The following HMX1 variants were observed in gnomAD, a reference collection of about 807,000 sequenced individuals.
HMX1 encodes the protein H6 family homeobox 1.
Under a neutral mutation model 8.9 loss-of-function variants are expected in HMX1, and 8 were observed. The ratio of observed to expected loss-of-function variants is 0.90; its 90% CI spans 0.53 to 1.63. HMX1 has a LOEUF of 1.63. Ranked by LOEUF, HMX1 falls within the 40% of genes most tolerant of loss-of-function variation. The pLI, the probability that HMX1 is intolerant of heterozygous loss-of-function variation, is 0.00. For synonymous variants in HMX1, 311 were observed against 283.4 expected, an observed-to-expected ratio of 1.10 and a Z score of -0.98; for missense variants, 621 against 558.5, an observed-to-expected ratio of 1.11 and a Z score of -1.13.
At chr4:8,859,747 A>G (rs1447916345) in intron 1 of HMX1, among the ~76,000 whole-genome samples, 3 of 152,186 alleles carry the variant, frequency 2.0e-5, no homozygotes, top group Admixed American at 6.5e-5. Flanking sequence ...CCGAATGAGG[A>G]CATCCCCCCG....
At chr4:8,862,835 A>G (rs1721872896), downstream of HMX1, among the ~76,000 whole-genome samples, 1 of 152,134 alleles carries the variant, frequency 6.6e-6, no homozygotes, top group South Asian at 2.1e-4. Flanking sequence ...TGGCTCTTCG[A>G]CCACTTAGCT....
In HMX1 at chr4:8,867,799, G is replaced by C. The variant is rs940379768; in HGVS notation, c.941C>G (p.Pro314Arg). 3.2e-5 allele frequency: 39 copies of C among 1,232,446 alleles called. No homozygotes were observed. Among genetic ancestry groups the C allele is most frequent in the Non-Finnish European group, 2.1e-5 (21 of 990,804 alleles). The allele number at this position is 1,232,446 out of a possible 1,614,324, so 76.3% of individuals were successfully genotyped here. A position where few individuals can be genotyped will look rare whatever the true frequency, so the allele number is the denominator to read the frequency against. ...FPLAPAAPAP[P>R]PPLLGFSGAL... ...CCCGGAGAAGCCGAGCAGCGGTGGG[G>C]GCGGCGCGGGCGCGGCGGGCGCCAG... Residue 314 changes from proline (P) to arginine (R), a missense_variant, in exon 2 of 2, where the codon CCC becomes CGC. Coordinates refer to ENST00000400677, the MANE Select transcript of HMX1 (RefSeq NM_018942.3).
At position 8,867,170 on chromosome 4, in the gene HMX1, G is replaced by A; in HGVS notation, c.*523C>T. 1 of 985,438 alleles carries A rather than the reference G, an allele frequency of 1.0e-6. No individual in the cohort carries two copies. Among genetic ancestry groups the A allele is most frequent in the Non-Finnish European group, 1.2e-6 (1 of 829,890 alleles). The allele number at this position is 985,438 out of a possible 1,614,324, so 61.0% of individuals were successfully genotyped here. A position where few individuals can be genotyped will look rare whatever the true frequency, so the allele number is the denominator to read the frequency against. ...TGCCTGCTCCTGGAACGGACGATGGGACCCACAGGTCCAGGGTCCTTTCTC... is the reference window on the plus strand; with the variant it reads ...TGCCTGCTCCTGGAACGGACGATGGAACCCACAGGTCCAGGGTCCTTTCTC... On this transcript the variant is annotated 3_prime_UTR_variant, in exon 2 of 2. Coordinates refer to ENST00000400677, the MANE Select transcript of HMX1 (RefSeq NM_018942.3).
rs1132456 is a variant in HMX1 at position 8,867,122 on chromosome 4, G to A, written c.*571C>T. On this transcript the variant is annotated 3_prime_UTR_variant, in exon 2 of 2. Transcript: ENST00000400677. ...AAAAAAACAACAACCCGGAGGCTGC[G>A]ACGTCTGCAGAGAGCCCCAGCCTGC... 0.15 allele frequency: 151,237 copies of A among 985,132 alleles called. 13,189 individuals carry two copies. Among genetic ancestry groups the A allele is most frequent in the East Asian group, 0.6 (5,258 of 8,796 alleles). The allele number at this position is 985,132 out of a possible 1,614,324, so 61.0% of individuals were successfully genotyped here.
intron 1 of HMX1, among the ~76,000 whole-genome samples, chr4:8,861,172 G>A (rs1721799084): frequency 6.6e-6 from 1 of 152,180 alleles, no homozygotes; most frequent in Non-Finnish European, 1.5e-5. Context: ...TCCGGGCGCC[G>A]CTGCCCTCCT....
rs1296308540 is a variant in HMX1 at position 8,848,657 on chromosome 4, C to T, written c.395-2333G>A. Among the ~76,000 whole-genome samples the T allele has an allele frequency of 6.6e-6, 1 of 152,174 alleles. No homozygotes were observed. The highest frequency in any genetic ancestry group is 1.5e-5 in the Non-Finnish European group (1 of 68,038). ...GTAGACCAACCTAAACCAGGCTCCC[C>T]CATCCCCCTTTTTTCAGATATGCCT... On this transcript the variant is annotated intron_variant, in intron 1 of 1. Transcript: ENST00000506970. The surrounding 1 kb of genome is among the most constrained non-coding windows in gnomAD (Gnocchi z 4.1).
chr4:8,856,431 T>C (rs1179247421), intron 1 of HMX1, among the ~76,000 whole-genome samples: 1 of 152,044 alleles, frequency 6.6e-6, no homozygotes, highest in Non-Finnish European at 1.5e-5. Flanking sequence ...TTTTAAGTTG[T>C]GTGCTGAGTA....
intron 1 of HMX1, among the ~76,000 whole-genome samples, chr4:8,852,022 T>C (rs1410144870): frequency 6.6e-6 from 1 of 152,210 alleles, no homozygotes; most frequent in Non-Finnish European, 1.5e-5. Context: ...GCAGCCCCTC[T>C]CGTCCCTAGA....
At chr4:8,851,201 C>G (rs941912597) in intron 1 of HMX1, among the ~76,000 whole-genome samples, 1 of 152,198 alleles carries the variant, frequency 6.6e-6, no homozygotes, top group Non-Finnish European at 1.5e-5. Context: ...CCTTACAACA[C>G]AGGAAGGACA....
Position 8,868,274 on chromosome 4 carries a change from C to G in HMX1, c.466G>C (p.Gly156Arg). ...RAEGAWPRGP[G>R]PGAVQREAAE... ...GCCTCCCGCTGCACCGCTCCCGGCC[C>G]GGGGCCTCGCGGCCAGGCGCCCTCC... Residue 156 changes from glycine (G) to arginine (R), a missense_variant, in exon 2 of 2, where the codon GGG (glycine) becomes CGG (arginine). By Grantham distance (125) the Gly-to-Arg change is moderately radical. Transcript: ENST00000400677. The surrounding 1 kb of genome is among the most constrained non-coding windows in gnomAD (Gnocchi z 4.6). 6.9e-7 allele frequency: 1 copy of G among 1,440,472 alleles called. No homozygotes were observed. The highest frequency in any genetic ancestry group is 1.4e-5 in the South Asian group (1 of 71,272). 89.2% of individuals were successfully genotyped at this position (1,440,472 alleles called of 1,614,324 possible).
At chr4:8,855,661 C>T (rs899406934) in intron 1 of HMX1, among the ~76,000 whole-genome samples, 2 of 152,156 alleles carry the variant, frequency 1.3e-5, no homozygotes, top group South Asian at 2.1e-4. Flanking sequence ...AGGGATGTGG[C>T]CAGGACCCTT....
At chr4:8,866,529 C>T (rs1001503244), downstream of HMX1, among the ~76,000 whole-genome samples, 5 of 152,240 alleles carry the variant, frequency 3.3e-5, no homozygotes, top group Non-Finnish European at 5.9e-5. Flanking sequence ...CCATCATCAC[C>T]GGCCGTGAAC....
chr4:8,871,639 G>T lies in HMX1; in HGVS notation c.-25C>A. Reference sequence around the variant, plus strand: ...TCGCGGCCGCGGGCTTCTCGGGCTCGGCCGGGCTCCTCGGTCCCCGCTGGG... The same window carrying T: ...TCGCGGCCGCGGGCTTCTCGGGCTCTGCCGGGCTCCTCGGTCCCCGCTGGG... On this transcript the variant is annotated 5_prime_UTR_variant, in exon 1 of 2. Coordinates refer to ENST00000400677, the MANE Select transcript of HMX1 (RefSeq NM_018942.3). The surrounding 1 kb of genome is among the most constrained non-coding windows in gnomAD (Gnocchi z 4.8). 1 of 1,235,580 alleles carries T rather than the reference G, an allele frequency of 8.1e-7. No homozygotes were observed. 76.5% of individuals were successfully genotyped at this position (1,235,580 alleles called of 1,614,324 possible). A position where few individuals can be genotyped will look rare whatever the true frequency, so the allele number is the denominator to read the frequency against.
chr4:8,861,375 C>T (rs1020026327), intron 1 of HMX1, among the ~76,000 whole-genome samples: 2 of 152,158 alleles, frequency 1.3e-5, no homozygotes, highest in Non-Finnish European at 2.9e-5. Flanking sequence ...CGGCCTGTGC[C>T]GAGGAGCCTC....
chr4:8,859,306 C>T (rs975801234), intron 1 of HMX1, among the ~76,000 whole-genome samples: 1 of 152,110 alleles, frequency 6.6e-6, no homozygotes, highest in South Asian at 2.1e-4. Context: ...AATGTCAGCA[C>T]CATCCCGTTA....
Position 8,871,390 on chromosome 4 carries a change from G to A in HMX1, c.225C>T (p.Thr75=). The A allele has an allele frequency of 6.4e-6, 8 of 1,245,872 alleles. No individual in the cohort carries two copies. Among genetic ancestry groups the A allele is most frequent in the Non-Finnish European group, 6.0e-6 (6 of 992,300 alleles). The allele number at this position is 1,245,872 out of a possible 1,614,324, so 77.2% of individuals were successfully genotyped here. The stretch of plus-strand genomic sequence containing the variant: ...GGGCCCGCGCCTCCCCGCCGGGCCC[G>A]GTGCCCGCGAGCAACTGTCGCCGCC... ...LQRRRQLLAG[T]GPGGEARARA... is the part of the protein sequence containing the mutation. Residue 75 remains threonine, a synonymous_variant, in exon 1 of 2, where the codon ACC becomes ACT. Transcript: ENST00000400677. The surrounding 1 kb of genome is among the most constrained non-coding windows in gnomAD (Gnocchi z 4.8).
chr4:8,871,196 C>A lies in HMX1; in HGVS notation c.394+25G>T. 2 of 1,397,698 alleles carry A rather than the reference C, an allele frequency of 1.4e-6. No individual in the cohort carries two copies. Among genetic ancestry groups the A allele is most frequent in the East Asian group, 6.1e-5 (2 of 32,524 alleles). 86.6% of individuals were successfully genotyped at this position (1,397,698 alleles called of 1,614,324 possible). A position where few individuals can be genotyped will look rare whatever the true frequency, so the allele number is the denominator to read the frequency against. ...AGGAAGTCGGGCCCCACCGCCTGACCCACCCTCCCCGCGCCCTCACTCACT... is the reference window on the plus strand; with the variant it reads ...AGGAAGTCGGGCCCCACCGCCTGACACACCCTCCCCGCGCCCTCACTCACT... On this transcript the variant is annotated intron_variant, in intron 1 of 1. Transcript: ENST00000400677. The surrounding 1 kb of genome is among the most constrained non-coding windows in gnomAD (Gnocchi z 4.8).
intron 1 of HMX1, among the ~76,000 whole-genome samples, chr4:8,859,573 C>T (rs1260228585): frequency 6.6e-6 from 1 of 152,080 alleles, no homozygotes; most frequent in Non-Finnish European, 1.5e-5. Context: ...GGTGCGAGAC[C>T]TCCGGAGCTG....
At chr4:8,857,964 C>T (rs984318829) in intron 1 of HMX1, among the ~76,000 whole-genome samples, 1 of 152,018 alleles carries the variant, frequency 6.6e-6, no homozygotes, top group African/African-American at 2.4e-5. Context: ...GGAGAGGAGG[C>T]GGAGGAGGGG....
Sources: allele counts gnomAD v4.1 joint callset (sites outside exome capture counted in the v4.1 genomes callset), GRCh38; gene constraint gnomAD v4.1.1; non-coding constraint Gnocchi (gnomAD v3.1); transcripts MANE v1.5; gene names NCBI Gene and HGNC (gene_info 2026-07-23, HGNC 2026-07-21).